LNX1: variants seen among roughly 807,000 people sequenced by gnomAD.
LNX1 encodes the protein E3 ubiquitin-protein ligase LNX.
Under a neutral mutation model 68.4 loss-of-function variants are expected in LNX1, and 54 were observed. The observed-to-expected ratio is 0.79, with a 90% CI of 0.63 to 0.99. The LOEUF (loss-of-function observed/expected upper bound fraction) is 0.99. Ranked by LOEUF, LNX1 falls within the 50% of genes least tolerant of loss-of-function variation. The pLI is 0.00. For synonymous variants in LNX1, 336 were observed against 350.0 expected (o/e 0.96, Z 0.45); for missense variants, 906 against 926.4 (o/e 0.98, Z 0.29).
At chr4:53,604,425 A>G (rs1236451862) in intron 2 of LNX1, among the ~76,000 whole-genome samples, 1 of 152,228 alleles carries the variant, frequency 6.6e-6, no homozygotes, top group Non-Finnish European at 1.5e-5. Flanking sequence ...TCTAGACTTA[A>G]AAGCCAGTTG....
intron 6 of LNX1, among the ~76,000 whole-genome samples, chr4:53,492,506 T>TGAGAGAGAGAGTGAGAGAGAGAGA (rs1724751498): frequency 1.1e-5 from 1 of 88,942 alleles, no homozygotes; most frequent in Non-Finnish European, 2.3e-5. Flanking sequence ...CAGAGGGCTC[T>TGAGAGAGAGAGTGAGAGAGAGAGA]GAGAGAGAGA....
At chr4:53,466,460 G>A (rs149051373) in intron 9 of LNX1, among the ~76,000 whole-genome samples, 37 of 152,320 alleles carry the variant, frequency 2.4e-4, no homozygotes, top group Non-Finnish European at 4.0e-4. Flanking sequence ...TGAGATACTG[G>A]GTTCATCTCA....
intron 2 of LNX1, among the ~76,000 whole-genome samples, chr4:53,544,156 T>C (rs1728940369): frequency 6.6e-6 from 1 of 152,194 alleles, no homozygotes; most frequent in Non-Finnish European, 1.5e-5. Flanking sequence ...GAGCAGTACA[T>C]AGAAATTAGT....
upstream of LNX1, among the ~76,000 whole-genome samples, chr4:53,621,844 G>A (rs755002624): frequency 1.4e-4 from 21 of 152,150 alleles, no homozygotes; most frequent in African/African-American, 2.4e-4. Context: ...CCAGCCAGTG[G>A]TAAATTGCTT....
At chr4:53,575,058 T>C (rs1202813351) in intron 1 of LNX1, among the ~76,000 whole-genome samples, 1 of 151,984 alleles carries the variant, frequency 6.6e-6, no homozygotes, top group East Asian at 1.9e-4. Context: ...CTCTGCTCAC[T>C]ACAACTGCCA....
chr4:53,488,815 G>A (rs902189407), intron 6 of LNX1, among the ~76,000 whole-genome samples: 2 of 152,044 alleles, frequency 1.3e-5, no homozygotes, highest in Admixed American at 6.5e-5. Flanking sequence ...CATCAGAACC[G>A]AATGATATGC....
intron 9 of LNX1, among the ~76,000 whole-genome samples, chr4:53,463,927 A>G (rs1229165968): frequency 6.6e-6 from 1 of 152,160 alleles, no homozygotes; most frequent in African/African-American, 2.4e-5. Flanking sequence ...ACTAAGGCAG[A>G]GCCTCTTTCC....
In LNX1 at chr4:53,476,975, A is replaced by G. The variant is rs1486855928; in HGVS notation, c.1670T>C (p.Ile557Thr). Reference protein sequence around the residue: ...SRDGRIKTGDILLNVDGVELT... With the variant: ...SRDGRIKTGDTLLNVDGVELT... ...TTCGACCCCATCCACATTCAACAAAATGTCACCTGATGGCCAGAGAAGCAG... is the reference window on the plus strand; with the variant it reads ...TTCGACCCCATCCACATTCAACAAAGTGTCACCTGATGGCCAGAGAAGCAG... Residue 557 changes from isoleucine to threonine, a missense_variant, in exon 9 of 11, where the codon ATT becomes ACT. Transcript: ENST00000263925. 6 of 1,613,186 alleles carry G rather than the reference A, an allele frequency of 3.7e-6. No homozygotes were observed. Among genetic ancestry groups the G allele is most frequent in the Non-Finnish European group, 5.1e-6 (6 of 1,179,500 alleles).
chr4:53,537,556 C>T (rs1015551278), intron 2 of LNX1, among the ~76,000 whole-genome samples: 4 of 152,062 alleles, frequency 2.6e-5, no homozygotes, highest in African/African-American at 9.7e-5. Flanking sequence ...TTTTATGTTC[C>T]TTTAGTATTT....
At chr4:53,641,130 G>A (rs1035856940) in intron 1 of LNX1, among the ~76,000 whole-genome samples, 2 of 147,230 alleles carry the variant, frequency 1.4e-5, no homozygotes, top group African/African-American at 5.0e-5. Flanking sequence ...CTGGAATGTG[G>A]CATGGTTTTT....
chr4:53,581,274 T>C (rs1431695215), intron 1 of LNX1, among the ~76,000 whole-genome samples: 1 of 152,194 alleles, frequency 6.6e-6, no homozygotes, highest in African/African-American at 2.4e-5. Flanking sequence ...ATTAAGGAAG[T>C]TGAAAAATGT....
intron 4 of LNX1, among the ~76,000 whole-genome samples, chr4:53,500,869 G>T (rs1365854304): frequency 3.3e-5 from 5 of 152,202 alleles, no homozygotes; most frequent in African/African-American, 1.2e-4. Flanking sequence ...TTCATTCTGA[G>T]CAAAGAAAGA....
intron 2 of LNX1, among the ~76,000 whole-genome samples, chr4:53,601,099 GA>G (rs1553942705): frequency 0.044 from 6,207 of 140,264 alleles, 189 homozygotes; most frequent in Middle Eastern, 0.078. Flanking sequence ...GAAAGGGAGG[GA>G]GGGAGGGGGG....
chr4:53,631,347 T>A (rs1454165106), intron 1 of LNX1, among the ~76,000 whole-genome samples: 4 of 152,140 alleles, frequency 2.6e-5, no homozygotes, highest in Non-Finnish European at 5.9e-5. Flanking sequence ...AACTTCCCTG[T>A]GGGCCTTCAG....
At chr4:53,564,828 T>C (rs922867650) in intron 2 of LNX1, among the ~76,000 whole-genome samples, 1 of 152,172 alleles carries the variant, frequency 6.6e-6, no homozygotes, top group African/African-American at 2.4e-5. Flanking sequence ...ATTGCCTCAC[T>C]TGGGAAGCGC....
chr4:53,640,462 T>C (rs1336129965), intron 1 of LNX1, among the ~76,000 whole-genome samples: 1 of 152,160 alleles, frequency 6.6e-6, no homozygotes, highest in Non-Finnish European at 1.5e-5. Flanking sequence ...ATGAAGAAAG[T>C]GAGTCTATGG....
rs555322339 is a variant in LNX1 at position 53,463,000 on chromosome 4, A to C, written c.1893-1407T>G. On this transcript the variant is annotated intron_variant, in intron 9 of 10. Transcript: ENST00000263925. ...CCAAAGCATTACATTCCCACCTGGG[A>C]GGATGTGTGCCCAATTTTTTGGAGA... Among the ~76,000 whole-genome samples, 10 of 152,250 alleles carry C rather than the reference A, an allele frequency of 6.6e-5. No homozygotes were observed. In the South Asian group the frequency reaches 2.1e-3, roughly 32 times the overall value.
intron 2 of LNX1, among the ~76,000 whole-genome samples, chr4:53,547,545 C>T (rs1386593022): frequency 1.3e-5 from 2 of 152,114 alleles, no homozygotes; most frequent in Non-Finnish European, 2.9e-5. Context: ...GGATTACAGT[C>T]CTTGGGATGA....
chr4:53,525,473 T>C (rs891171058), intron 2 of LNX1, among the ~76,000 whole-genome samples: 1 of 152,172 alleles, frequency 6.6e-6, no homozygotes, highest in African/African-American at 2.4e-5. Flanking sequence ...GCATTCTGTG[T>C]GTATCTAGCT....
Sources: allele counts gnomAD v4.1 joint callset (sites outside exome capture counted in the v4.1 genomes callset), GRCh38; gene constraint gnomAD v4.1.1; transcripts MANE v1.5; gene names NCBI Gene and HGNC (gene_info 2026-07-23, HGNC 2026-07-21).